RALYL: variants seen among roughly 807,000 people sequenced by gnomAD.
RALYL encodes the protein RALY RNA binding protein like, also known as RNA-binding Raly-like protein.
A neutral mutation model predicts 35.1 loss-of-function variants in RALYL; 29 were observed. The observed-to-expected ratio is 0.83, with a 90% CI of 0.61 to 1.13. The LOEUF is 1.13. Among genes scored for constraint, RALYL ranks in the 50% most tolerant of loss-of-function variants. The pLI is 0.00. For missense variants in RALYL, 359 were observed against 360.4 expected, an observed-to-expected ratio of 1.00 and a Z score of 0.03; for synonymous variants, 120 against 127.6, an observed-to-expected ratio of 0.94 and a Z score of 0.40.
intron 4 of RALYL, among the ~76,000 whole-genome samples, chr8:84,827,363 GTA>G (rs1329410326): frequency 1.3e-5 from 2 of 152,040 alleles, no homozygotes; most frequent in Non-Finnish European, 2.9e-5. Context: ...ACAGTTTACT[GTA>G]TATAAGACCT....
intron 1 of RALYL, among the ~76,000 whole-genome samples, chr8:84,418,986 CA>C (rs886199639): frequency 6.6e-6 from 1 of 152,116 alleles, no homozygotes; most frequent in Non-Finnish European, 1.5e-5. Flanking sequence ...GTCCCAACTG[CA>C]GCCTAGTTCT....
At chr8:84,627,473 A>C (rs1182045345) in intron 2 of RALYL, among the ~76,000 whole-genome samples, 2 of 147,618 alleles carry the variant, frequency 1.4e-5, no homozygotes, top group Non-Finnish European at 3.0e-5. Context: ...TAGGATTCCA[A>C]ATTCATGGAC....
intron 2 of RALYL, among the ~76,000 whole-genome samples, chr8:84,596,851 A>T (rs1452123238): frequency 2.0e-5 from 3 of 151,874 alleles, no homozygotes; most frequent in Non-Finnish European, 4.4e-5. Context: ...CTTTCCTTCT[A>T]TCCTGGGACT....
chr8:84,780,565 G>A (rs1817916551), intron 3 of RALYL, among the ~76,000 whole-genome samples: 1 of 152,164 alleles, frequency 6.6e-6, no homozygotes, highest in African/African-American at 2.4e-5. Flanking sequence ...TTTATTGATT[G>A]TTTAAATTTG....
chr8:84,788,752 C>T (rs535027542), intron 3 of RALYL, among the ~76,000 whole-genome samples: 2 of 152,170 alleles, frequency 1.3e-5, no homozygotes, highest in Admixed American at 6.5e-5. Flanking sequence ...TCAGCCCAGG[C>T]CAGGACAGAA....
intron 2 of RALYL, among the ~76,000 whole-genome samples, chr8:84,711,202 C>G (rs561605894): frequency 6.6e-6 from 1 of 152,138 alleles, no homozygotes; most frequent in Non-Finnish European, 1.5e-5. Context: ...GTCAAAAAAG[C>G]ATGAGGAACA....
intron 2 of RALYL, among the ~76,000 whole-genome samples, chr8:84,576,062 C>T (rs1190944493): frequency 6.6e-6 from 1 of 151,626 alleles, no homozygotes; most frequent in African/African-American, 2.4e-5. Flanking sequence ...TTTACAATGG[C>T]ATAGCCAATG....
At chr8:84,395,172 A>G (rs1392451327) in intron 1 of RALYL, among the ~76,000 whole-genome samples, 1 of 151,856 alleles carries the variant, frequency 6.6e-6, no homozygotes, top group Non-Finnish European at 1.5e-5. Context: ...ATTTTATTAA[A>G]TGATTTTTTA....
intron 4 of RALYL, among the ~76,000 whole-genome samples, chr8:84,829,922 C>T (rs922149505): frequency 4.6e-5 from 7 of 150,652 alleles, no homozygotes; most frequent in African/African-American, 1.7e-4. Flanking sequence ...ATCGAACTCA[C>T]AGCCAGCAGC....
chr8:84,222,192 A>C (rs1424043098), intron 1 of RALYL, among the ~76,000 whole-genome samples: 1 of 152,138 alleles, frequency 6.6e-6, no homozygotes, highest in Non-Finnish European at 1.5e-5. Context: ...TGCAATAATT[A>C]AAGAAAATAA....
intron 1 of RALYL, among the ~76,000 whole-genome samples, chr8:84,257,508 G>A (rs1189393308): frequency 1.3e-5 from 2 of 152,102 alleles, no homozygotes; most frequent in African/African-American, 4.8e-5. Context: ...AATACCAGGT[G>A]CAGCCATAAA....
At chr8:84,475,750 G>A (rs1321212531) in intron 1 of RALYL, among the ~76,000 whole-genome samples, 2 of 152,172 alleles carry the variant, frequency 1.3e-5, no homozygotes, top group Non-Finnish European at 2.9e-5. Context: ...ATGGTCTCCA[G>A]AATTTGTTTA....
chr8:84,787,378 T>C (rs546367358), intron 3 of RALYL, among the ~76,000 whole-genome samples: 1 of 152,348 alleles, frequency 6.6e-6, no homozygotes, highest in Non-Finnish European at 1.5e-5. Context: ...ATTGTGTATA[T>C]GTGCCACATT....
intron 3 of RALYL, among the ~76,000 whole-genome samples, chr8:84,785,508 T>C (rs1819225556): frequency 6.6e-6 from 1 of 152,224 alleles, no homozygotes; most frequent in African/African-American, 2.4e-5. Flanking sequence ...CAGACATACA[T>C]GCTTTATTGT....
chr8:84,553,501 C>A (rs2060893274), intron 2 of RALYL, among the ~76,000 whole-genome samples: 1 of 152,160 alleles, frequency 6.6e-6, no homozygotes, highest in Non-Finnish European at 1.5e-5. Flanking sequence ...AGGTCAATGG[C>A]ATGTACTGGT....
chr8:84,201,888 G>A (rs752491241), intron 1 of RALYL, among the ~76,000 whole-genome samples: 1 of 152,008 alleles, frequency 6.6e-6, no homozygotes, highest in African/African-American at 2.4e-5. Context: ...TTGATACTAT[G>A]TCTCTTTGTC....
At chr8:84,689,965 C>A (rs942315186) in intron 2 of RALYL, among the ~76,000 whole-genome samples, 2 of 152,058 alleles carry the variant, frequency 1.3e-5, no homozygotes, top group African/African-American at 4.8e-5. Context: ...CCTGATGGAA[C>A]AGTATTGAGG....
At chr8:84,277,875 T>C (rs1835728892) in intron 1 of RALYL, among the ~76,000 whole-genome samples, 1 of 152,210 alleles carries the variant, frequency 6.6e-6, no homozygotes, top group Non-Finnish European at 1.5e-5. Flanking sequence ...GGATACAGCC[T>C]CGCTCCTGGC....
intron 1 of RALYL, among the ~76,000 whole-genome samples, chr8:84,237,981 AAAG>A (rs1168140107): frequency 3.4e-5 from 5 of 146,978 alleles, no homozygotes; most frequent in African/African-American, 4.9e-5. Flanking sequence ...AATCTAAAAA[AAAG>A]AAGAAAAAAG....
Sources: allele counts gnomAD v4.1 joint callset (sites outside exome capture counted in the v4.1 genomes callset), GRCh38; gene constraint gnomAD v4.1.1; transcripts MANE v1.5; gene names NCBI Gene and HGNC (gene_info 2026-07-23, HGNC 2026-07-21).